NMNAT3: variants seen among roughly 807,000 people sequenced by gnomAD.
The protein encoded by NMNAT3 is nicotinamide/nicotinic acid mononucleotide adenylyltransferase 3.
Under a neutral mutation model 24.8 loss-of-function variants are expected in NMNAT3, and 21 were observed. The observed-to-expected ratio is 0.85, with a 90% CI of 0.60 to 1.22. The LOEUF (loss-of-function observed/expected upper bound fraction) is 1.22. Among genes scored for constraint, NMNAT3 ranks in the 50% most tolerant of loss-of-function variants. NMNAT3 has a pLI of 0.00. For synonymous variants in NMNAT3, 136 were observed against 155.2 expected, an observed-to-expected ratio of 0.88 and a Z score of 0.92; for missense variants, 387 against 436.6, an observed-to-expected ratio of 0.89 and a Z score of 1.01.
At chr3:139,618,207 G>T (rs1279167722) in intron 3 of NMNAT3, among the ~76,000 whole-genome samples, 1 of 152,144 alleles carries the variant, frequency 6.6e-6, no homozygotes, top group African/African-American at 2.4e-5. Flanking sequence ...GAAAAAAACA[G>T]CTGGGTTCAA....
intron 1 of NMNAT3, among the ~76,000 whole-genome samples, chr3:139,658,731 A>T (rs548766089): frequency 6.6e-6 from 1 of 152,346 alleles, no homozygotes; most frequent in South Asian, 2.1e-4. Context: ...ACACTTCAGC[A>T]TGCATGTTAT....
rs564495206 is a variant in NMNAT3 at position 139,622,731 on chromosome 3, T to A, written c.109+4885A>T. Reference sequence around the variant, plus strand: ...GCCTGGGTGACAGAGCAAGACTCTGTCTCAAAAAAAAAGTGTGTGTGTATA... The same window carrying A: ...GCCTGGGTGACAGAGCAAGACTCTGACTCAAAAAAAAAGTGTGTGTGTATA... On this transcript the variant is annotated intron_variant, in intron 3 of 6. Transcript: ENST00000643695. 1.2e-4 allele frequency among the ~76,000 whole-genome samples: 18 copies of A among 145,248 alleles called. No individual in the cohort carries two copies. In the East Asian group the frequency reaches 3.2e-3, roughly 26 times the overall value.
intron 3 of NMNAT3, among the ~76,000 whole-genome samples, chr3:139,627,194 A>G (rs2056090001): frequency 6.6e-6 from 1 of 152,332 alleles, no homozygotes; most frequent in African/African-American, 2.4e-5. Context: ...ATTCTTTAAA[A>G]TGAGAAAATG....
At chr3:139,639,537 A>G (rs1576715644) in intron 1 of NMNAT3, among the ~76,000 whole-genome samples, 1 of 152,288 alleles carries the variant, frequency 6.6e-6, no homozygotes, top group African/African-American at 2.4e-5. Flanking sequence ...TGTCCCTGAT[A>G]AAATATCTGG....
intron 3 of NMNAT3, among the ~76,000 whole-genome samples, chr3:139,622,428 A>G (rs1283266553): frequency 6.8e-6 from 1 of 146,614 alleles, no homozygotes; most frequent in Non-Finnish European, 1.5e-5. Context: ...AGGTACAGTA[A>G]AAAACATGGT....
intron 3 of NMNAT3, among the ~76,000 whole-genome samples, chr3:139,610,616 A>G (rs1242534896): frequency 2.6e-5 from 4 of 152,224 alleles, no homozygotes; most frequent in Non-Finnish European, 5.9e-5. Flanking sequence ...ATTAATAAAC[A>G]TCCGTGTGAG....
intron 1 of NMNAT3, among the ~76,000 whole-genome samples, chr3:139,657,844 G>T (rs1004677217): frequency 1.3e-4 from 20 of 151,126 alleles, no homozygotes; most frequent in African/African-American, 4.9e-4. Flanking sequence ...GGTGTGGTGT[G>T]GTGGTGCTGT....
chr3:139,649,610 TCC>T (rs542205222), intron 1 of NMNAT3, among the ~76,000 whole-genome samples: 42 of 152,212 alleles, frequency 2.8e-4, no homozygotes, highest in African/African-American at 1.0e-3. Flanking sequence ...GGGCAGCTTC[TCC>T]CCAGTGAGCA....
intron 3 of NMNAT3, chr3:139,609,923 TA>T (rs2055128376): frequency 6.6e-6 from 1 of 152,154 alleles, no homozygotes; most frequent in South Asian, 2.1e-4. Flanking sequence ...ACCTCCAGAG[TA>T]GCTGAGACTA....
chr3:139,626,383 C>T (rs777863784), intron 3 of NMNAT3, among the ~76,000 whole-genome samples: 7 of 151,938 alleles, frequency 4.6e-5, no homozygotes, highest in Admixed American at 2.0e-4. Flanking sequence ...AATGTCTAAT[C>T]TGTTTTTTAT....
At chr3:139,621,869 T>C (rs923326313) in intron 3 of NMNAT3, among the ~76,000 whole-genome samples, 11 of 152,232 alleles carry the variant, frequency 7.2e-5, no homozygotes, top group African/African-American at 2.7e-4. Context: ...TCACTTAAGA[T>C]AATGATCTCC....
chr3:139,576,014 C>T (rs773587433), intron 5 of NMNAT3: 52 of 1,288,978 alleles, frequency 4.0e-5, no homozygotes, highest in Non-Finnish European at 5.1e-5. Flanking sequence ...GAGGACAACA[C>T]AAGATCATGT....
At chr3:139,562,762 T>C (rs1936601141) in intron 6 of NMNAT3, among the ~76,000 whole-genome samples, 1 of 152,244 alleles carries the variant, frequency 6.6e-6, no homozygotes, top group South Asian at 2.1e-4. Flanking sequence ...AGCCAAGACC[T>C]TTCTCTGGGT....
chr3:139,642,235 T>C (rs1171976229), intron 1 of NMNAT3, among the ~76,000 whole-genome samples: 1 of 152,204 alleles, frequency 6.6e-6, no homozygotes, highest in Non-Finnish European at 1.5e-5. Flanking sequence ...ATATCTTTAT[T>C]GCTAAAGCGC....
chr3:139,603,054 G>A (rs897328610), intron 3 of NMNAT3, among the ~76,000 whole-genome samples: 1 of 152,014 alleles, frequency 6.6e-6, no homozygotes, highest in African/African-American at 2.4e-5. Context: ...TTCTCTAACT[G>A]TTCTACCTAA....
chr3:139,632,751 G>T (rs2056349075), intron 2 of NMNAT3, among the ~76,000 whole-genome samples: 1 of 152,200 alleles, frequency 6.6e-6, no homozygotes, highest in Non-Finnish European at 1.5e-5. Flanking sequence ...CAGGGTAAGG[G>T]ATCAGGGCTC....
chr3:139,652,769 G>A (rs1264912702), intron 1 of NMNAT3, among the ~76,000 whole-genome samples: 1 of 152,192 alleles, frequency 6.6e-6, no homozygotes, highest in African/African-American at 2.4e-5. Context: ...CTGGGAGAGG[G>A]TATTGAGATC....
chr3:139,572,351 C>T (rs9856182), intron 6 of NMNAT3: 13 of 395,900 alleles, frequency 3.3e-5, no homozygotes, highest in Non-Finnish European at 5.3e-5. Flanking sequence ...GACAGGCAGA[C>T]AGAAAGACCA....
chr3:139,563,966 A>G (rs169826), intron 6 of NMNAT3, among the ~76,000 whole-genome samples: 120,103 of 152,144 alleles, frequency 0.79, 47,798 homozygotes, highest in East Asian at 0.98. Flanking sequence ...GGTAGATAAA[A>G]CTGAAATTTA....
Sources: allele counts gnomAD v4.1 joint callset (sites outside exome capture counted in the v4.1 genomes callset), GRCh38; gene constraint gnomAD v4.1.1; transcripts MANE v1.5; gene names NCBI Gene and HGNC (gene_info 2026-07-23, HGNC 2026-07-21).